The following CACNA2D1 variants were observed in gnomAD, a reference collection of about 807,000 sequenced individuals.
The protein encoded by CACNA2D1 is voltage-dependent calcium channel subunit alpha-2/delta-1.
A neutral mutation model predicts 171.5 loss-of-function variants in CACNA2D1; 53 were observed. The ratio of observed to expected loss-of-function variants is 0.31; its 90% CI spans 0.25 to 0.39. The LOEUF (loss-of-function observed/expected upper bound fraction) is 0.39, where lower values mean the gene tolerates loss of function less well. Ranked by LOEUF, CACNA2D1 falls within the 10% of genes least tolerant of loss-of-function variation. The pLI is 1.00. For synonymous variants in CACNA2D1, 442 were observed against 443.1 expected, an observed-to-expected ratio of 1.00 and a Z score of 0.03; for missense variants, 903 against 1,299.8, an observed-to-expected ratio of 0.69 and a Z score of 4.69.
At chr7:81,990,961 A>C (rs1470430657) in intron 21 of CACNA2D1, among the ~76,000 whole-genome samples, 1 of 152,210 alleles carries the variant, frequency 6.6e-6, no homozygotes, top group Non-Finnish European at 1.5e-5. Context: ...TTCTCATGTA[A>C]AAATACAAAA....
rs558816941 is a variant in CACNA2D1, at chr7:81,962,173, G to A, written c.2837-150C>T. 2.2e-4 allele frequency: 153 copies of A among 703,560 alleles called. 1 individual carries two copies. The highest frequency in any genetic ancestry group is 1.9e-3 in the South Asian group (102 of 54,614). 43.6% of individuals were successfully genotyped at this position (703,560 alleles called of 1,614,324 possible). ...GGCTTGTTTACTGCTGTGTAATATC[G>A]TGGCAGCCCGTAATAGATGCCTGAT... is the stretch of plus-strand genomic sequence containing the variant. On this transcript the variant is annotated intron_variant, in intron 35 of 38. Transcript: ENST00000356860.
intron 20 of CACNA2D1, 117 bp downstream of exon 20, chr7:81,994,751 A>C: frequency 6.4e-6 from 4 of 626,074 alleles, no homozygotes; most frequent in East Asian, 2.8e-5. Context: ...ATTGTTTCCT[A>C]GAGATCTCCC....
intron 1 of CACNA2D1, among the ~76,000 whole-genome samples, chr7:82,378,262 G>C (rs1823246114): frequency 6.6e-6 from 1 of 152,126 alleles, no homozygotes; most frequent in Non-Finnish European, 1.5e-5. Context: ...AGCTGGGCGT[G>C]GTGGCATGTG....
chr7:82,237,291 G>C (rs115765358), intron 3 of CACNA2D1, among the ~76,000 whole-genome samples: 1,612 of 151,814 alleles, frequency 0.011, 21 homozygotes, highest in African/African-American at 0.037. Flanking sequence ...AATAAAGACA[G>C]GAAATAAAAA....
intron 4 of CACNA2D1, 71 bp from the exon 5 acceptor site, chr7:82,136,747 A>G: frequency 9.9e-7 from 1 of 1,005,508 alleles, no homozygotes; most frequent in African/African-American, 1.6e-5. Flanking sequence ...AATACATTTT[A>G]TGCATATTAT....
At chr7:82,149,647 G>A (rs932622606) in intron 4 of CACNA2D1, among the ~76,000 whole-genome samples, 2 of 152,020 alleles carry the variant, frequency 1.3e-5, no homozygotes, top group Admixed American at 1.3e-4. Context: ...ATAAGAGTAT[G>A]TGCTTGGCCG....
At chr7:82,203,372 G>A (rs928025600) in intron 3 of CACNA2D1, among the ~76,000 whole-genome samples, 5 of 152,164 alleles carry the variant, frequency 3.3e-5, no homozygotes, top group South Asian at 2.1e-4. Flanking sequence ...TTCTCTTCCC[G>A]AGAGCCAGGA....
chr7:82,212,913 T>C (rs2129228644), intron 3 of CACNA2D1, among the ~76,000 whole-genome samples: 1 of 152,110 alleles, frequency 6.6e-6, no homozygotes, highest in South Asian at 2.1e-4. Flanking sequence ...CTTTTTTTTT[T>C]TTTCTGAGAT....
intron 24 of CACNA2D1, among the ~76,000 whole-genome samples, chr7:81,975,804 A>ATGTACATAATAG (rs111649872): frequency 6.6e-6 from 1 of 151,626 alleles, no homozygotes; most frequent in South Asian, 2.1e-4. Flanking sequence ...GGAATGAATC[A>ATGTACATAATAG]TGTATACAAC....
In CACNA2D1 at chr7:81,961,916, A is replaced by G. The variant is rs1391044777; in HGVS notation, c.2944T>C (p.Leu982=). ...TACCTGGAACAGTTTCCACAGTCTAATACACCACTGAATGATTTACTGTCG... is the reference window on the plus strand; with the variant it reads ...TACCTGGAACAGTTTCCACAGTCTAGTACACCACTGAATGATTTACTGTCG... ...DNDSKSFSGV[L]DCGNCSRIFH... The change falls in exon 36 of 39, where the codon TTA becomes CTA. Residue 982 remains leucine, a synonymous_variant. Transcript: ENST00000356860. 1 of 1,610,040 alleles carries G rather than the reference A, an allele frequency of 6.2e-7. No homozygotes were observed. The highest frequency in any genetic ancestry group is 1.3e-5 in the African/African-American group (1 of 74,738).
intron 18 of CACNA2D1, among the ~76,000 whole-genome samples, chr7:81,998,290 A>C (rs911528104): frequency 1.3e-5 from 2 of 152,136 alleles, no homozygotes; most frequent in South Asian, 2.1e-4. Flanking sequence ...TAAATCTGAT[A>C]ACTAGATTCC....
intron 18 of CACNA2D1, 148 bp downstream of exon 18, chr7:82,005,275 G>C: frequency 3.0e-6 from 2 of 659,020 alleles, no homozygotes; most frequent in Non-Finnish European, 5.5e-6. Flanking sequence ...ATCATGTGTG[G>C]TCCTTGTCAT....
At chr7:82,174,867 G>A (rs745698252) in intron 3 of CACNA2D1, among the ~76,000 whole-genome samples, 10 of 151,998 alleles carry the variant, frequency 6.6e-5, no homozygotes, top group Non-Finnish European at 1.5e-4. Context: ...AGAATGAAGA[G>A]GTTTTATCAG....
intron 11 of CACNA2D1, chr7:82,033,109 A>C (rs1222972164): frequency 2.1e-6 from 1 of 473,288 alleles, no homozygotes; most frequent in Non-Finnish European, 3.8e-6. Flanking sequence ...CCATAAGTCT[A>C]TCTCACTTCC....
At chr7:82,425,034 T>C (rs946937869) in intron 1 of CACNA2D1, among the ~76,000 whole-genome samples, 3 of 152,204 alleles carry the variant, frequency 2.0e-5, no homozygotes, top group Admixed American at 6.5e-5. Flanking sequence ...GGGACCATGA[T>C]ATGAAGGGAT....
At chr7:82,228,337 C>A (rs190062638) in intron 3 of CACNA2D1, among the ~76,000 whole-genome samples, 494 of 152,214 alleles carry the variant, frequency 3.2e-3, no homozygotes, top group Non-Finnish European at 5.6e-3. Flanking sequence ...TAATAGGCTG[C>A]CTGGTGAGAC....
At chr7:82,084,717 C>A in intron 7 of CACNA2D1, 52 bp downstream of exon 7, 2 of 1,600,710 alleles carry the variant, frequency 1.2e-6, no homozygotes, top group Non-Finnish European at 1.7e-6. Flanking sequence ...AGAGTATTCT[C>A]CAGAAACATT....
intron 5 of CACNA2D1, among the ~76,000 whole-genome samples, chr7:82,122,618 A>G (rs1341727304): frequency 6.6e-6 from 1 of 151,696 alleles, no homozygotes; most frequent in Admixed American, 6.6e-5. Flanking sequence ...GTGCTACAAA[A>G]GTATACCCAT....
At chr7:82,111,444 A>ATATATATATAT (rs1207440298) in intron 6 of CACNA2D1, among the ~76,000 whole-genome samples, 6 of 69,968 alleles carry the variant, frequency 8.6e-5, no homozygotes, top group African/African-American at 3.4e-4. Context: ...ATATATATAT[A>ATATATATATAT]TTTTTTTTTT....
Sources: allele counts gnomAD v4.1 joint callset (sites outside exome capture counted in the v4.1 genomes callset), GRCh38; gene constraint gnomAD v4.1.1; transcripts MANE v1.5; gene names NCBI Gene and HGNC (gene_info 2026-07-23, HGNC 2026-07-21).